The following OTOGL variants were observed in gnomAD, a reference collection of about 807,000 sequenced individuals.
OTOGL encodes otogelin-like protein.
Under a neutral mutation model 318.5 loss-of-function variants are expected in OTOGL, and 285 were observed. The ratio of observed to expected loss-of-function variants is 0.89; its 90% CI spans 0.81 to 0.99. The LOEUF (loss-of-function observed/expected upper bound fraction) is 0.99. Ranked by LOEUF, OTOGL falls within the 50% of genes least tolerant of loss-of-function variation. OTOGL has a pLI of 0.00. For synonymous variants in OTOGL, 987 were observed against 936.5 expected, an observed-to-expected ratio of 1.05 and a Z score of -0.99; for missense variants, 2,899 against 2,845.6, an observed-to-expected ratio of 1.02 and a Z score of -0.43.
chr12:80,240,307 C>CA (rs142175167), intron 11 of OTOGL, among the ~76,000 whole-genome samples: 7,043 of 152,076 alleles, frequency 0.046, 554 homozygotes, highest in African/African-American at 0.16. Flanking sequence ...CTAGCATGAA[C>CA]AAATACTGTG....
Position 80,270,106 on chromosome 12 carries a change from T to C in OTOGL, c.2470T>C (p.Cys824Arg), listed in dbSNP as rs756777111. The C allele has an allele frequency of 5.0e-6, 8 of 1,599,068 alleles. No individual in the cohort carries two copies. In the South Asian group the frequency reaches 8.9e-5, roughly 18 times the overall value. Residue 824 changes from cysteine (C) to arginine (R), a missense_variant, in exon 23 of 59, where the codon TGT (cysteine) becomes CGT (arginine). Coordinates refer to ENST00000547103, the MANE Select transcript of OTOGL (RefSeq NM_001378609.3). Reference protein sequence around the residue: ...LIPTPSGLCQCSNGTVKCDEL... With the variant: ...LIPTPSGLCQRSNGTVKCDEL... ...TAACTATTTATTTACTTCTAGCCAG[T>C]GTTCAAATGGGACTGTGAAATGTGA...
At chr12:80,121,955 A>G (rs1451607650) in intron 1 of OTOGL, among the ~76,000 whole-genome samples, 2 of 152,306 alleles carry the variant, frequency 1.3e-5, no homozygotes, top group African/African-American at 4.8e-5. Context: ...TTTGTACTTT[A>G]TTTCAGAACA....
chr12:80,125,625 C>T (rs909772552), intron 1 of OTOGL, among the ~76,000 whole-genome samples: 31 of 152,170 alleles, frequency 2.0e-4, no homozygotes, highest in Non-Finnish European at 3.7e-4. Flanking sequence ...ACCAGCTCCT[C>T]CTTGTACCTC....
At chr12:80,374,562 CT>C (rs1891076284) in intron 57 of OTOGL, among the ~76,000 whole-genome samples, 1 of 152,042 alleles carries the variant, frequency 6.6e-6, no homozygotes, top group Non-Finnish European at 1.5e-5. Flanking sequence ...CAAATATAAA[CT>C]AATATGAATC....
At chr12:80,250,958 T>C (rs1356576308) in intron 11 of OTOGL, among the ~76,000 whole-genome samples, 2 of 152,216 alleles carry the variant, frequency 1.3e-5, no homozygotes, top group Non-Finnish European at 2.9e-5. Context: ...AAGAAAATAA[T>C]TAAAGATTAT....
At position 80,262,103 on chromosome 12, in the gene OTOGL, G is replaced by T. The variant is rs1238455503; in HGVS notation, c.2014+10G>T. ...ATCAATCAACAAAACAGTAAGTTTT[G>T]CATGTAAACTTCCTTTCTGCTGTAA... On this transcript the variant is annotated intron_variant, in intron 19 of 58. Transcript: ENST00000547103. 1.9e-6 allele frequency: 3 copies of T among 1,599,056 alleles called. No individual in the cohort carries two copies. Among genetic ancestry groups the T allele is most frequent in the Admixed American group, 1.7e-5 (1 of 59,022 alleles).
intron 1 of OTOGL, among the ~76,000 whole-genome samples, chr12:80,147,990 G>A (rs1351974652): frequency 4.6e-5 from 7 of 152,078 alleles, no homozygotes; most frequent in Non-Finnish European, 8.8e-5. Flanking sequence ...GCACACTGAT[G>A]GGTCTTGACT....
chr12:80,328,601 A>G, intron 35 of OTOGL, 64 bp from the exon 36 acceptor site: 3 of 1,136,656 alleles, frequency 2.6e-6, no homozygotes, highest in Non-Finnish European at 2.6e-6. Flanking sequence ...TGTTAAATGT[A>G]GTCCTTTTTT....
chr12:80,198,246 T>A (rs1261326532), intron 1 of OTOGL, among the ~76,000 whole-genome samples: 1 of 152,224 alleles, frequency 6.6e-6, no homozygotes, highest in Non-Finnish European at 1.5e-5. Context: ...CTCTTTTATC[T>A]GTGTCTTCAA....
chr12:80,200,975 A>G (rs1876412686), intron 1 of OTOGL, among the ~76,000 whole-genome samples: 1 of 152,206 alleles, frequency 6.6e-6, no homozygotes, highest in African/African-American at 2.4e-5. Flanking sequence ...AATTTAATCT[A>G]GAAGAGAAGC....
intron 1 of OTOGL, among the ~76,000 whole-genome samples, chr12:80,206,736 A>C (rs547077482): frequency 6.6e-6 from 1 of 151,320 alleles, no homozygotes; most frequent in Non-Finnish European, 1.5e-5. Flanking sequence ...GTCCAGGCTA[A>C]TCTTAAACTT....
intron 1 of OTOGL, among the ~76,000 whole-genome samples, chr12:80,190,592 C>CGGA (rs1875608158): frequency 2.0e-5 from 3 of 151,646 alleles, no homozygotes; most frequent in African/African-American, 7.3e-5. Context: ...TCGAGACCAT[C>CGGA]CTGGCTAACA....
intron 1 of OTOGL, among the ~76,000 whole-genome samples, chr12:80,192,310 G>A (rs1040363965): frequency 1.3e-5 from 2 of 152,092 alleles, no homozygotes; most frequent in Non-Finnish European, 2.9e-5. Flanking sequence ...GAGGGGCCCC[G>A]CCTGCTGGTC....
At chr12:80,317,128 A>G (rs1389361787) in intron 32 of OTOGL, among the ~76,000 whole-genome samples, 2 of 152,114 alleles carry the variant, frequency 1.3e-5, no homozygotes, top group Non-Finnish European at 1.5e-5. Context: ...TTGAAATGCT[A>G]TTTCTGTAGG....
chr12:80,277,532 C>T (rs1273919021), intron 24 of OTOGL, among the ~76,000 whole-genome samples: 4 of 149,536 alleles, frequency 2.7e-5, no homozygotes, highest in African/African-American at 7.3e-5. Flanking sequence ...CTTTTATAGC[C>T]ATAGACATTT....
intron 38 of OTOGL, among the ~76,000 whole-genome samples, chr12:80,333,460 A>T (rs1888205952): frequency 6.6e-6 from 1 of 151,986 alleles, no homozygotes; most frequent in African/African-American, 2.4e-5. Flanking sequence ...GTCTCCTAGA[A>T]CTAGTAGTTT....
chr12:80,254,195 C>G (rs1881819432), intron 14 of OTOGL, among the ~76,000 whole-genome samples: 1 of 152,048 alleles, frequency 6.6e-6, no homozygotes, highest in African/African-American at 2.4e-5. Context: ...TAGAATTTAT[C>G]TGACATAAGA....
At chr12:80,290,571 T>A (rs1884978064) in intron 26 of OTOGL, among the ~76,000 whole-genome samples, 1 of 152,196 alleles carries the variant, frequency 6.6e-6, no homozygotes, top group South Asian at 2.1e-4. Context: ...CATGACATGT[T>A]CCCATTGGAT....
intron 29 of OTOGL, among the ~76,000 whole-genome samples, chr12:80,308,963 G>C (rs1303334772): frequency 2.2e-5 from 3 of 137,834 alleles, no homozygotes; most frequent in Admixed American, 7.5e-5. Context: ...CGTGGAAAGA[G>C]AGGGAGAGGG....
Sources: gnomAD v4.1 joint callset for allele counts (sites outside exome capture counted in the v4.1 genomes callset) on GRCh38, gnomAD v4.1.1 for gene constraint, MANE v1.5 for transcripts, NCBI Gene and HGNC (gene_info 2026-07-23, HGNC 2026-07-21) for gene names.